The following PARVA variants were observed in gnomAD, a reference collection of about 807,000 sequenced individuals.
PARVA encodes the protein parvin alpha, also known as alpha-parvin.
PARVA carries 25 observed loss-of-function variants against 52.6 expected under a neutral mutation model. That is an observed-to-expected ratio of 0.48 (90% CI 0.35 to 0.66). The LOEUF is 0.66. Among genes scored for constraint, PARVA ranks in the 30% least tolerant of loss-of-function variants. The pLI is 0.01. For synonymous variants in PARVA, 185 were observed against 179.1 expected (o/e 1.03, Z -0.26); for missense variants, 373 against 450.9 (o/e 0.83, Z 1.56).
At chr11:12,435,032 G>A (rs1940368800) in intron 1 of PARVA, among the ~76,000 whole-genome samples, 1 of 152,142 alleles carries the variant, frequency 6.6e-6, no homozygotes, top group Non-Finnish European at 1.5e-5. Flanking sequence ...TAGATAAGGT[G>A]CTGCTTTTTT....
intron 1 of PARVA, among the ~76,000 whole-genome samples, chr11:12,434,972 A>G (rs1183175860): frequency 6.6e-6 from 1 of 152,070 alleles, no homozygotes; most frequent in East Asian, 1.9e-4. Flanking sequence ...TCCCTTCTCA[A>G]TCAGCTTCTT....
intron 1 of PARVA, among the ~76,000 whole-genome samples, chr11:12,423,355 T>G (rs1432507419): frequency 3.8e-4 from 57 of 149,172 alleles, no homozygotes; most frequent in African/African-American, 1.2e-3. Flanking sequence ...ATTTTTGTTT[T>G]TTTTTTTTTT....
At chr11:12,437,255 G>A (rs745682569) in intron 1 of PARVA, among the ~76,000 whole-genome samples, 4 of 152,218 alleles carry the variant, frequency 2.6e-5, no homozygotes, top group East Asian at 1.9e-4. Flanking sequence ...GCAGAAAGAA[G>A]AGGTGAGGTA....
chr11:12,437,923 C>G (rs1333279050), intron 1 of PARVA, among the ~76,000 whole-genome samples: 2 of 152,130 alleles, frequency 1.3e-5, no homozygotes, highest in Non-Finnish European at 2.9e-5. Flanking sequence ...TACTTCCAAC[C>G]TTGTCATTCA....
At chr11:12,421,829 T>C (rs886397082) in intron 1 of PARVA, among the ~76,000 whole-genome samples, 4 of 152,268 alleles carry the variant, frequency 2.6e-5, no homozygotes, top group Non-Finnish European at 4.4e-5. Context: ...ATATTGGGGC[T>C]GATCAGATCT....
At chr11:12,496,368 A>ATGCATGCATGAGTGCT in intron 4 of PARVA, 90 bp from the exon 5 acceptor site, 2 of 1,366,022 alleles carry the variant, frequency 1.5e-6, no homozygotes, top group South Asian at 1.4e-5. Context: ...GCATGAGTGC[A>ATGCATGCATGAGTGCT]TGAGAGACCG....
intron 1 of PARVA, among the ~76,000 whole-genome samples, chr11:12,392,054 A>G (rs1939666727): frequency 6.6e-6 from 1 of 151,856 alleles, no homozygotes; most frequent in Admixed American, 6.6e-5. Context: ...TCACTAATCT[A>G]CTTTCTGTTT....
chr11:12,446,040 T>TA (rs59092542), intron 1 of PARVA, among the ~76,000 whole-genome samples: 14,465 of 151,246 alleles, frequency 0.096, 779 homozygotes, highest in South Asian at 0.21. Flanking sequence ...TCATTTACTT[T>TA]AAAAAAAAAT....
At chr11:12,424,382 A>C (rs1314863203) in intron 1 of PARVA, among the ~76,000 whole-genome samples, 1 of 152,318 alleles carries the variant, frequency 6.6e-6, no homozygotes, top group African/African-American at 2.4e-5. Flanking sequence ...TATTACCTCC[A>C]ACATGAGTAC....
chr11:12,509,691 C>T (rs1372195477), intron 7 of PARVA, among the ~76,000 whole-genome samples: 1 of 152,206 alleles, frequency 6.6e-6, no homozygotes, highest in Admixed American at 6.5e-5. Flanking sequence ...TGGCCTTTCC[C>T]AAGATGCCCT....
At chr11:12,413,372 C>T (rs1055684300) in intron 1 of PARVA, among the ~76,000 whole-genome samples, 7 of 152,058 alleles carry the variant, frequency 4.6e-5, no homozygotes, top group Admixed American at 1.3e-4. Flanking sequence ...GATTATCACA[C>T]GAGGCAGAAA....
chr11:12,377,410 A>AC (rs1451053038), upstream of PARVA: 1 of 1,369,114 alleles, frequency 7.3e-7, no homozygotes, highest in African/African-American at 1.5e-5. Context: ...GCTTGGGGCA[A>AC]CCCAGGGGCG....
chr11:12,508,668 G>A (rs376369901), intron 7 of PARVA, 26 bp downstream of exon 7: 124 of 1,535,912 alleles, frequency 8.1e-5, no homozygotes, highest in Non-Finnish European at 1.1e-4. Context: ...TGTTGCCAGC[G>A]ATTCTGTAAT....
intron 5 of PARVA, among the ~76,000 whole-genome samples, chr11:12,503,558 C>T (rs1941388849): frequency 6.6e-6 from 1 of 151,976 alleles, no homozygotes; most frequent in African/African-American, 2.4e-5. Flanking sequence ...AGAAGGAGCC[C>T]CATGGGACCT....
intron 6 of PARVA, among the ~76,000 whole-genome samples, chr11:12,508,099 TA>T (rs35314523): frequency 0.19 from 17,180 of 91,768 alleles, 1,287 homozygotes; most frequent in African/African-American, 0.2. Context: ...ATTTATCAGT[TA>T]AAAAAAAAAA....
chr11:12,400,880 T>TGGA (rs1386305255), intron 1 of PARVA, among the ~76,000 whole-genome samples: 1 of 152,198 alleles, frequency 6.6e-6, no homozygotes, highest in Non-Finnish European at 1.5e-5. Context: ...ATGTGATCTG[T>TGGA]GCTATACTAG....
intron 1 of PARVA, among the ~76,000 whole-genome samples, chr11:12,389,997 G>A (rs1278319101): frequency 6.6e-6 from 1 of 152,138 alleles, no homozygotes; most frequent in Non-Finnish European, 1.5e-5. Flanking sequence ...ACTCTGAAAA[G>A]CAGCCTGGCT....
At chr11:12,462,151 T>G (rs11826234) in intron 1 of PARVA, among the ~76,000 whole-genome samples, 4,896 of 152,264 alleles carry the variant, frequency 0.032, 286 homozygotes, top group African/African-American at 0.11. Context: ...AGAACAGAAC[T>G]TGTTCCCTTA....
chr11:12,385,634 C>T (rs541833977), intron 1 of PARVA, among the ~76,000 whole-genome samples: 11 of 152,252 alleles, frequency 7.2e-5, no homozygotes, highest in Admixed American at 6.5e-4. Context: ...GACCTATGAC[C>T]TGGTTTGCAC....
Sources: allele counts gnomAD v4.1 joint callset (sites outside exome capture counted in the v4.1 genomes callset), GRCh38; gene constraint gnomAD v4.1.1; transcripts MANE v1.5; gene names NCBI Gene and HGNC (gene_info 2026-07-23, HGNC 2026-07-21).